Variants in IQSEC1 observed in about 807,000 individuals in gnomAD.
The protein encoded by IQSEC1 is IQ motif and Sec7 domain ArfGEF 1.
Under a neutral mutation model 91.0 loss-of-function variants are expected in IQSEC1, and 31 were observed. That is an observed-to-expected ratio of 0.34 (90% confidence interval 0.26 to 0.46). IQSEC1 has a LOEUF of 0.46. Ranked by LOEUF, IQSEC1 falls within the 20% of genes least tolerant of loss-of-function variation. The pLI, the probability that IQSEC1 is intolerant of heterozygous loss-of-function variation, is 1.00. For synonymous variants in IQSEC1, 699 were observed against 662.6 expected (o/e 1.05, Z -0.84); for missense variants, 1,388 against 1,575.6 (o/e 0.88, Z 2.02).
chr3:12,903,389 G>T (rs942987126), intron 12 of IQSEC1, among the ~76,000 whole-genome samples: 1 of 152,338 alleles, frequency 6.6e-6, no homozygotes, highest in East Asian at 1.9e-4. Context: ...GCCCGCAGGA[G>T]CTCAGTTTTG....
intron 1 of IQSEC1, among the ~76,000 whole-genome samples, chr3:12,946,799 C>T (rs1559659670): frequency 1.3e-5 from 2 of 152,182 alleles, no homozygotes; most frequent in Admixed American, 6.5e-5. Context: ...CCCTGCTGCC[C>T]GCCACAGTTC....
chr3:13,018,938 G>A (rs965953539), intron 1 of IQSEC1, among the ~76,000 whole-genome samples: 7 of 152,164 alleles, frequency 4.6e-5, no homozygotes, highest in Non-Finnish European at 8.8e-5. Context: ...ACTTCATCAC[G>A]TTATCCCCCT....
intron 1 of IQSEC1, among the ~76,000 whole-genome samples, chr3:13,176,752 G>A (rs192337180): frequency 8.5e-5 from 13 of 152,328 alleles, no homozygotes; most frequent in East Asian, 1.9e-4. Context: ...GGCGAGGTCC[G>A]TGCATTTAGG....
At chr3:12,923,395 G>A (rs1696810446) in intron 4 of IQSEC1, among the ~76,000 whole-genome samples, 2 of 152,194 alleles carry the variant, frequency 1.3e-5, no homozygotes, top group African/African-American at 4.8e-5. Context: ...GCTTCAAAGA[G>A]GGGAGGGGGC....
At chr3:13,160,250 A>C (rs1707152551) in intron 2 of IQSEC1, among the ~76,000 whole-genome samples, 1 of 152,104 alleles carries the variant, frequency 6.6e-6, no homozygotes, top group Non-Finnish European at 1.5e-5. Flanking sequence ...AAGAACAAGA[A>C]TCTCACCAAG....
Position 13,078,794 on chromosome 3 carries a change from G to C in IQSEC1, c.303-31272C>G, listed in dbSNP as rs572540979. 2.0e-5 allele frequency among the ~76,000 whole-genome samples: 3 copies of C among 152,280 alleles called. No homozygotes were observed. The South Asian group carries it at 6.2e-4, about 32-fold the overall frequency. On this transcript the variant is annotated intron_variant, in intron 2 of 15. Coordinates refer to the IQSEC1 transcript ENST00000648114. Reference sequence around the variant, plus strand: ...CGGAGGTCTGGGCTGGGCAGGGCTGGTGCCTCCCTCTCCCAGCTGCCCCAG... The same window carrying C: ...CGGAGGTCTGGGCTGGGCAGGGCTGCTGCCTCCCTCTCCCAGCTGCCCCAG...
chr3:13,165,343 G>A (rs1334598172), intron 1 of IQSEC1, among the ~76,000 whole-genome samples: 1 of 152,100 alleles, frequency 6.6e-6, no homozygotes, highest in Non-Finnish European at 1.5e-5. Flanking sequence ...TTGACCCCGG[G>A]GGCCATGGGA....
chr3:13,153,099 C>T (rs1210888385), intron 2 of IQSEC1, among the ~76,000 whole-genome samples: 1 of 151,408 alleles, frequency 6.6e-6, no homozygotes, highest in East Asian at 2.0e-4. Context: ...TCCTTCTCCC[C>T]TCTCCCCTCC....
At chr3:13,166,451 A>G (rs899665044) in intron 1 of IQSEC1, among the ~76,000 whole-genome samples, 1 of 152,164 alleles carries the variant, frequency 6.6e-6, no homozygotes, top group African/African-American at 2.4e-5. Context: ...ACGCCAGGGG[A>G]CAAGCACTGA....
chr3:12,901,518 G>A lies in IQSEC1; in HGVS notation c.2810C>T (p.Ser937Phe), dbSNP rs746943683. 5.8e-6 allele frequency: 9 copies of A among 1,548,338 alleles called. No homozygotes were observed. In the East Asian group the frequency reaches 1.7e-4, roughly 29 times the overall value. Residue 937 changes from serine (S) to phenylalanine (F), a missense_variant, in exon 14 of 14, where the codon TCC (serine) becomes TTC (phenylalanine). Transcript: ENST00000613206. ...GCGCATGTGAGGACTGCTAATGATG[G>A]ACCCCTAAAAAGGAAATTCATAGAA... ...AGSLESNVEG[S>F]IISSPHMRRR... is the part of the protein sequence containing the mutation.
At position 12,908,497 on chromosome 3, in the gene IQSEC1, CACG is replaced by C. The variant is rs746160791; in HGVS notation, c.2604_2606del (p.Val869del). The C allele has an allele frequency of 3.1e-6, 5 of 1,613,632 alleles. No homozygotes were observed. The highest frequency in any genetic ancestry group is 1.1e-5 in the South Asian group (1 of 91,078). On this transcript the variant is annotated inframe_deletion, in exon 12 of 14. Coordinates refer to ENST00000613206, the MANE Select transcript of IQSEC1 (RefSeq NM_001134382.3). This position sits in a 1 kb window ranked among gnomAD's most constrained non-coding sequence, Gnocchi z 4.9. ...TAGAGCACTGGGACATGCTGGGCCG[CACG>C]ACGCCTTTCTGCTTCTCGAGCTCCG...
At chr3:12,912,146 C>T (rs1249783402) in intron 9 of IQSEC1, among the ~76,000 whole-genome samples, 1 of 152,208 alleles carries the variant, frequency 6.6e-6, no homozygotes, top group Non-Finnish European at 1.5e-5. Flanking sequence ...TGGTGATGGC[C>T]TGCAGGGAGA....
intron 1 of IQSEC1, among the ~76,000 whole-genome samples, chr3:13,232,464 G>A (rs147883658): frequency 9.8e-5 from 15 of 152,300 alleles, no homozygotes; most frequent in East Asian, 5.8e-4. Flanking sequence ...ACAGGGAGGC[G>A]TCATCTGCAT....
chr3:13,211,425 C>A lies in IQSEC1; in HGVS notation c.273-47292G>T, dbSNP rs942082316. Among the ~76,000 whole-genome samples, 2 of 152,060 alleles carry A rather than the reference C, an allele frequency of 1.3e-5. No homozygotes were observed. The highest frequency in any genetic ancestry group is 4.8e-5 in the African/African-American group (2 of 41,388). On this transcript the variant is annotated intron_variant, in intron 1 of 15. Transcript: ENST00000648114. The surrounding 1 kb of genome is among the most constrained non-coding windows in gnomAD (Gnocchi z 5.3). ...TCTCTGTTTTCTGGGCCCCCACGGG[C>A]CCCCTCTGCCCCCTGCCCCAGGTCA...
At position 12,983,717 on chromosome 3, in the gene IQSEC1, G is replaced by A. The variant is rs1701583471; in HGVS notation, c.24-41852C>T. 6.6e-6 allele frequency among the ~76,000 whole-genome samples: 1 copy of A among 152,186 alleles called. No homozygotes were observed. Among genetic ancestry groups the A allele is most frequent in the African/African-American group, 2.4e-5 (1 of 41,450 alleles). On this transcript the variant is annotated intron_variant, in intron 1 of 13. Coordinates refer to ENST00000613206, the MANE Select transcript of IQSEC1 (RefSeq NM_001134382.3). This position sits in a 1 kb window ranked among gnomAD's most constrained non-coding sequence, Gnocchi z 4.3. ...CCCAGCACCTGGGCGATGCTGTTCAGAGGACAATTTCCCTTTCCCTCTCCC... is the reference window on the plus strand; with the variant it reads ...CCCAGCACCTGGGCGATGCTGTTCAAAGGACAATTTCCCTTTCCCTCTCCC...
chr3:12,916,709 C>T (rs532317625), intron 6 of IQSEC1, among the ~76,000 whole-genome samples: 14 of 152,204 alleles, frequency 9.2e-5, no homozygotes, highest in Non-Finnish European at 1.6e-4. Context: ...ACAACGTTAT[C>T]GCAGCACTGT....
At chr3:13,206,822 C>G (rs987009192) in intron 1 of IQSEC1, among the ~76,000 whole-genome samples, 1 of 152,008 alleles carries the variant, frequency 6.6e-6, no homozygotes, top group Non-Finnish European at 1.5e-5. Flanking sequence ...CATAAATAAA[C>G]GGGGCCAGGC....
intron 2 of IQSEC1, among the ~76,000 whole-genome samples, chr3:13,120,930 G>T (rs1706413372): frequency 6.6e-6 from 1 of 152,184 alleles, no homozygotes. Flanking sequence ...TATGGCCTCG[G>T]GGAATCCCAG....
intron 1 of IQSEC1, among the ~76,000 whole-genome samples, chr3:13,039,906 G>A (rs1402810176): frequency 1.3e-5 from 2 of 152,224 alleles, no homozygotes; most frequent in Non-Finnish European, 2.9e-5. Flanking sequence ...AAATCCCAGT[G>A]GCACCACCGA....
Sources: gnomAD v4.1 joint callset for allele counts (sites outside exome capture counted in the v4.1 genomes callset) on GRCh38, gnomAD v4.1.1 for gene constraint, Gnocchi (gnomAD v3.1) non-coding constraint, MANE v1.5 for transcripts, NCBI Gene and HGNC (gene_info 2026-07-23, HGNC 2026-07-21) for gene names.